SNTA1: variants seen among roughly 807,000 people sequenced by gnomAD.
SNTA1 encodes syntrophin alpha 1, also known as alpha-1-syntrophin.
SNTA1 carries 31 observed loss-of-function variants against 47.1 expected under a neutral mutation model. The ratio of observed to expected loss-of-function variants is 0.66; its 90% CI spans 0.49 to 0.89. The LOEUF is 0.89. Among genes scored for constraint, SNTA1 ranks in the 40% least tolerant of loss-of-function variants. The pLI is 0.00. For synonymous variants in SNTA1, 300 were observed against 313.6 expected (o/e 0.96, Z 0.46); for missense variants, 575 against 693.0 (o/e 0.83, Z 1.91).
chr20:33,430,183 T>C (rs1368776426), intron 2 of SNTA1, among the ~76,000 whole-genome samples: 1 of 152,074 alleles, frequency 6.6e-6, no homozygotes, highest in African/African-American at 2.4e-5. Flanking sequence ...GCCTACTATA[T>C]ATTGGGGCCA....
chr20:33,427,760 T>C (rs142505473), intron 2 of SNTA1, among the ~76,000 whole-genome samples: 5 of 152,190 alleles, frequency 3.3e-5, no homozygotes, highest in Non-Finnish European at 7.4e-5. Context: ...TATTCATGAA[T>C]AGGGGCTGCT....
chr20:33,435,018 T>G (rs113380584), intron 2 of SNTA1, among the ~76,000 whole-genome samples: 1,972 of 144,382 alleles, frequency 0.014, 45 homozygotes, highest in African/African-American at 0.048. Context: ...TTGAGATGGA[T>G]TCTTGCTCTT....
At chr20:33,426,122 G>A (rs570512557) in intron 2 of SNTA1, among the ~76,000 whole-genome samples, 1 of 151,730 alleles carries the variant, frequency 6.6e-6, no homozygotes, top group African/African-American at 2.4e-5. Context: ...AGTAAAAATA[G>A]AAGTAAAATA....
At chr20:33,412,184 A>T (rs1819388476) in intron 5 of SNTA1, 112 bp downstream of exon 5, 3 of 1,207,752 alleles carry the variant, frequency 2.5e-6, no homozygotes, top group Non-Finnish European at 3.4e-6. Flanking sequence ...GCTTCAGGTC[A>T]CCTGGGGAAT....
chr20:33,410,374 G>A (rs748256045), intron 5 of SNTA1, 43 bp from the exon 6 acceptor site: 58 of 1,354,606 alleles, frequency 4.3e-5, no homozygotes, highest in Middle Eastern at 2.5e-4. Context: ...GCCTCAGGCC[G>A]GAGGCAAATA....
At chr20:33,418,056 A>G (rs748609844) in intron 2 of SNTA1, 133 bp from the exon 3 acceptor site, 119 of 635,972 alleles carry the variant, frequency 1.9e-4, no homozygotes, top group Middle Eastern at 7.0e-4. Context: ...TCCAGTAGTG[A>G]TATTAACAAA....
intron 2 of SNTA1, among the ~76,000 whole-genome samples, chr20:33,436,025 T>C (rs1990432883): frequency 6.6e-6 from 1 of 151,998 alleles, no homozygotes; most frequent in African/African-American, 2.4e-5. Flanking sequence ...AAACCACATC[T>C]CTACTAATAA....
In SNTA1 at chr20:33,408,394, T is replaced by C. The variant is rs1313084686; in HGVS notation, c.*113A>G. The stretch of plus-strand genomic sequence containing the variant: ...CTCAGGGTTGGGGTTTCGGAGGCCC[T>C]TGTTCCTCTCCTCTCCCTTCCCTCA... On this transcript the variant is annotated 3_prime_UTR_variant, in exon 8 of 8. Coordinates refer to ENST00000217381, the MANE Select transcript of SNTA1 (RefSeq NM_003098.3). 1.4e-5 allele frequency: 11 copies of C among 806,444 alleles called. 1 individual carries two copies. In the Admixed American group the frequency reaches 1.4e-4, roughly 10 times the overall value. The allele number at this position is 806,444 out of a possible 1,614,324, so 50.0% of individuals were successfully genotyped here.
intron 2 of SNTA1, among the ~76,000 whole-genome samples, chr20:33,430,565 C>T (rs1029217347): frequency 6.6e-5 from 10 of 151,722 alleles, no homozygotes; most frequent in South Asian, 6.2e-4. Context: ...TGGGAGCCAC[C>T]GCACCCAGCC....
rs531136589 is a variant in SNTA1 at position 33,424,529 on chromosome 20, A to T, written c.497-6606T>A. On this transcript the variant is annotated intron_variant, in intron 2 of 7. Coordinates refer to ENST00000217381, the MANE Select transcript of SNTA1 (RefSeq NM_003098.3). The stretch of plus-strand genomic sequence containing the variant: ...TCTTGAAAAAATTAAAAAAAAAAAA[A>T]TTTTGAGACAGGGACTCACTCTCAC... 2.3e-4 allele frequency among the ~76,000 whole-genome samples: 35 copies of T among 150,606 alleles called. 1 individual carries two copies. The East Asian group carries it at 3.8e-3, about 16-fold the overall frequency.
rs114498974 is a variant in SNTA1 at position 33,418,187 on chromosome 20, T to C, written c.497-264A>G. Among the ~76,000 whole-genome samples the C allele has an allele frequency of 0.016, 2,468 of 151,812 alleles. 63 individuals are homozygous for C. The highest frequency in any genetic ancestry group is 0.055 in the African/African-American group (2,291 of 41,334). ...CTTCTCTCATTTTCCCCATGGTTAATAGACATACAGCCACCTGGAAGAAAG... is the reference window on the plus strand; with the variant it reads ...CTTCTCTCATTTTCCCCATGGTTAACAGACATACAGCCACCTGGAAGAAAG... On this transcript the variant is annotated intron_variant, in intron 2 of 7. Coordinates refer to ENST00000217381, the MANE Select transcript of SNTA1 (RefSeq NM_003098.3).
At chr20:33,428,419 TAA>T (rs1990216150) in intron 2 of SNTA1, among the ~76,000 whole-genome samples, 1 of 151,688 alleles carries the variant, frequency 6.6e-6, no homozygotes, top group Admixed American at 6.6e-5. Context: ...AAAAAAATTA[TAA>T]AATAAAAAAT....
At chr20:33,432,495 G>GT (rs1235507089) in intron 2 of SNTA1, among the ~76,000 whole-genome samples, 2 of 152,224 alleles carry the variant, frequency 1.3e-5, no homozygotes, top group East Asian at 3.8e-4. Flanking sequence ...AAGATCTAAT[G>GT]TATGTTGGGC....
intron 2 of SNTA1, 120 bp downstream of exon 2, chr20:33,438,721 A>G (rs1990502993): frequency 1.1e-6 from 1 of 871,794 alleles, no homozygotes. Flanking sequence ...TTCTGTTTTC[A>G]GTCCTGCCCA....
intron 1 of SNTA1, 45 bp downstream of exon 1, chr20:33,443,266 G>GC: frequency 7.0e-7 from 1 of 1,429,536 alleles, no homozygotes; most frequent in Non-Finnish European, 9.3e-7. Flanking sequence ...GCCCTCGGCT[G>GC]CCCCCAGACA....
intron 1 of SNTA1, 106 bp downstream of exon 1, chr20:33,443,205 C>G (rs1325691300): frequency 2.3e-6 from 2 of 870,624 alleles, no homozygotes; most frequent in Admixed American, 3.2e-5. Context: ...CCCTTACCCC[C>G]AGACAGGAAG....
At position 33,408,333 on chromosome 20, in the gene SNTA1, G is replaced by T. The variant is rs553395231; in HGVS notation, c.*174C>A. 5.1e-5 allele frequency: 34 copies of T among 662,472 alleles called. No individual in the cohort carries two copies. The highest frequency in any genetic ancestry group is 2.6e-4 in the Admixed American group (12 of 46,806). The allele number at this position is 662,472 out of a possible 1,614,324, so 41.0% of individuals were successfully genotyped here. A position where few individuals can be genotyped will look rare whatever the true frequency, so the allele number is the denominator to read the frequency against. ...ACAGGCAGAGTCCACTCTGTCCTGC[G>T]TCTGGGTCCTGGGCCCCAAGACCAA... On this transcript the variant is annotated 3_prime_UTR_variant, in exon 8 of 8. Transcript: ENST00000217381.
intron 2 of SNTA1, among the ~76,000 whole-genome samples, chr20:33,422,129 C>T (rs1198706276): frequency 6.6e-6 from 1 of 151,786 alleles, no homozygotes; most frequent in Admixed American, 6.6e-5. Flanking sequence ...GGGTTGTCTC[C>T]TCCACAAAAC....
chr20:33,430,548 T>C (rs1430904090), intron 2 of SNTA1, among the ~76,000 whole-genome samples: 4 of 151,834 alleles, frequency 2.6e-5, no homozygotes, highest in Non-Finnish European at 5.9e-5. Flanking sequence ...AGTGCTGGGA[T>C]AACAGGTGGG....
Sources: gnomAD v4.1 joint callset for allele counts (sites outside exome capture counted in the v4.1 genomes callset) on GRCh38, gnomAD v4.1.1 for gene constraint, MANE v1.5 for transcripts, NCBI Gene and HGNC (gene_info 2026-07-23, HGNC 2026-07-21) for gene names.